C2: variants seen among roughly 807,000 people sequenced by gnomAD.
The protein encoded by C2 is complement C2, also known as C3/C5 convertase.
In C2, 64 loss-of-function variants were observed where a neutral mutation model predicts 85.2. The ratio of observed to expected loss-of-function variants is 0.75; its 90% CI spans 0.61 to 0.92. The LOEUF (loss-of-function observed/expected upper bound fraction) is 0.92, where lower values mean the gene tolerates loss of function less well. Ranked by LOEUF, C2 falls within the 40% of genes least tolerant of loss-of-function variation. The pLI, the probability that C2 is intolerant of heterozygous loss-of-function variation, is 0.00. For synonymous variants in C2, 311 were observed against 370.8 expected, an observed-to-expected ratio of 0.84 and a Z score of 1.85; for missense variants, 820 against 971.6, an observed-to-expected ratio of 0.84 and a Z score of 2.07.
intron 7 of C2, 113 bp from the exon 8 acceptor site, chr6:31,937,206 C>CAAA (rs9279478): frequency 2.4e-3 from 2,453 of 1,023,172 alleles, no homozygotes; most frequent in Middle Eastern, 2.7e-3. Context: ...GAGACTCTCT[C>CAAA]AAAAAAAAAA....
Position 31,944,427 on chromosome 6 carries a change from G to A in C2, c.1902+201G>A, listed in dbSNP as rs527934096. ...GATGGAGTCTTGCTCTGTCTCCCAGGCTGGAGTGCAGTGGCACGACCTCAG... is the reference window on the plus strand; with the variant it reads ...GATGGAGTCTTGCTCTGTCTCCCAGACTGGAGTGCAGTGGCACGACCTCAG... On this transcript the variant is annotated intron_variant, in intron 15 of 17. Transcript: ENST00000299367. The surrounding 1 kb of genome is among the most constrained non-coding windows in gnomAD (Gnocchi z 5.1). Among the ~76,000 whole-genome samples, 1 of 152,254 alleles carries A rather than the reference G, an allele frequency of 6.6e-6. No homozygotes were observed. Among genetic ancestry groups the A allele is most frequent in the East Asian group, 1.9e-4 (1 of 5,174 alleles).
rs960669772 is a variant in C2 at position 31,903,907 on chromosome 6, T to G, written c.73+2768T>G. On this transcript the variant is annotated intron_variant, in intron 1 of 3. Transcript: ENST00000452202. ...CTGTTCTAAACTGCTCTCTTTGTATTTAGGCCTTGTAGATTTGAGGAAGAA... is the reference window on the plus strand; with the variant it reads ...CTGTTCTAAACTGCTCTCTTTGTATGTAGGCCTTGTAGATTTGAGGAAGAA... 7.2e-5 allele frequency among the ~76,000 whole-genome samples: 11 copies of G among 152,098 alleles called. No individual in the cohort carries two copies. In the East Asian group the frequency reaches 2.1e-3, roughly 29 times the overall value.
intron 1 of C2, among the ~76,000 whole-genome samples, chr6:31,913,104 A>G (rs1768236640): frequency 6.6e-6 from 1 of 151,850 alleles, no homozygotes; most frequent in Non-Finnish European, 1.5e-5. Context: ...GTATATATAC[A>G]CATTTGCATT....
chr6:31,908,194 G>A (rs1767857157), intron 1 of C2, among the ~76,000 whole-genome samples: 1 of 148,838 alleles, frequency 6.7e-6, no homozygotes, highest in Non-Finnish European at 1.5e-5. Context: ...GTCTTCCCGT[G>A]TTGCCCAGTC....
chr6:31,901,072 T>A, exon 1 of C2: 1 of 1,614,152 alleles, frequency 6.2e-7, no homozygotes, highest in Non-Finnish European at 8.5e-7. Flanking sequence ...CCACGATGCG[T>A]GCACTGTGCA....
intron 1 of C2, among the ~76,000 whole-genome samples, chr6:31,903,732 AC>A (rs1180572581): frequency 6.6e-6 from 1 of 152,078 alleles, no homozygotes; most frequent in African/African-American, 2.4e-5. Context: ...TTGAGCTGAA[AC>A]TGAATTCTTG....
chr6:31,944,842 G>A lies in C2; in HGVS notation c.2018G>A (p.Ser673Asn). ...FLCSGTQEDE[S>N]PCKGESGGAV... The stretch of plus-strand genomic sequence containing the variant: ...TGCAGTGGGACCCAGGAGGATGAGA[G>A]TCCCTGCAAGGGTGAGTCCCTCACC... Residue 673 changes from serine (S) to asparagine (N), a missense_variant, in exon 16 of 18, where the codon AGT becomes AAT. By Grantham distance (46) the Ser-to-Asn change is conservative (BLOSUM62 1). Coordinates refer to ENST00000299367, the MANE Select transcript of C2 (RefSeq NM_000063.6). This position sits in a 1 kb window ranked among gnomAD's most constrained non-coding sequence, Gnocchi z 5.1. The A allele has an allele frequency of 6.2e-7, 1 of 1,613,092 alleles. No individual in the cohort carries two copies. Among genetic ancestry groups the A allele is most frequent in the Non-Finnish European group, 8.5e-7 (1 of 1,180,040 alleles).
upstream of C2, among the ~76,000 whole-genome samples, chr6:31,915,906 G>A (rs1475146030): frequency 6.6e-6 from 1 of 152,250 alleles, no homozygotes; most frequent in Non-Finnish European, 1.5e-5. Context: ...TCAACTCGGT[G>A]TAGCGCTGAC....
At position 31,939,333 on chromosome 6, in the gene C2, C is replaced by T. The variant is rs374029934; in HGVS notation, c.1219+13C>T. 1.3e-6 allele frequency: 2 copies of T among 1,580,952 alleles called. No individual in the cohort carries two copies. ...AATGACTATCTGGGTGAGCCCCTGC[C>T]ACTGCCACCACATTTGTTCTGCTCC... On this transcript the variant is annotated intron_variant, in intron 9 of 17. Transcript: ENST00000299367.
upstream of C2, among the ~76,000 whole-genome samples, chr6:31,924,362 A>T (rs768640146): frequency 2.3e-4 from 35 of 152,204 alleles, no homozygotes; most frequent in Admixed American, 6.5e-4. Context: ...ACAGGATTGG[A>T]GAGCAGGGCC....
chr6:31,936,510 T>G, intron 7 of C2: 1 of 208,144 alleles, frequency 4.8e-6, no homozygotes, highest in East Asian at 1.2e-4. Context: ...TTTTTCTTCT[T>G]CTTTTTTTTT....
Position 31,944,991 on chromosome 6 carries a change from G to A in C2, c.2041G>A (p.Gly681Arg), listed in dbSNP as rs780535780. 6.2e-7 allele frequency: 1 copy of A among 1,613,096 alleles called. No individual in the cohort carries two copies. Among genetic ancestry groups the A allele is most frequent in the Non-Finnish European group, 8.5e-7 (1 of 1,180,038 alleles). The change falls in exon 17 of 18, where the codon GGA becomes AGA. Residue 681 changes from glycine to arginine, a missense_variant. Transcript: ENST00000299367. This position sits in a 1 kb window ranked among gnomAD's most constrained non-coding sequence, Gnocchi z 5.1. ...CCCTTTGCTGGCAGGAGAATCTGGG[G>A]GAGCAGTTTTCCTTGAGCGGAGATT... ...DESPCKGESG[G>R]AVFLERRFRF...
At chr6:31,913,467 T>C (rs1768264600) in intron 1 of C2, among the ~76,000 whole-genome samples, 1 of 152,110 alleles carries the variant, frequency 6.6e-6, no homozygotes, top group Non-Finnish European at 1.5e-5. Context: ...TCCCAGCTAG[T>C]TGGGAGGCTG....
chr6:31,931,946 T>C (rs9267682), intron 3 of C2, among the ~76,000 whole-genome samples: 660 of 38,882 alleles, frequency 0.017, 3 homozygotes, highest in Middle Eastern at 0.028. Flanking sequence ...GGGGGGCTGA[T>C]CCCCCCACCT....
intron 7 of C2, 188 bp from the exon 8 acceptor site, chr6:31,937,131 C>T: frequency 1.7e-6 from 1 of 598,500 alleles, no homozygotes; most frequent in Non-Finnish European, 3.0e-6. Flanking sequence ...ATCACTTGAA[C>T]TGGGGAGGTG....
In C2 at chr6:31,912,826, C is replaced by T. The variant is rs375090466; in HGVS notation, c.73+11687C>T. Among the ~76,000 whole-genome samples the T allele has an allele frequency of 3.9e-4, 53 of 135,918 alleles. 2 individuals carry two copies. In the Admixed American group the frequency reaches 3.9e-3, roughly 10 times the overall value. The allele number at this position is 135,918 out of a possible 152,430, so 89.2% of individuals were successfully genotyped here. On this transcript the variant is annotated intron_variant, in intron 1 of 3. Coordinates refer to the C2 transcript ENST00000452202. ...CTACACTCCAGCCTGAGTGACAGAG[C>T]GGGACTCTATCTCAAAAAAGAAAAA...
chr6:31,938,242 T>A lies in C2; in HGVS notation c.1129+783T>A, dbSNP rs141741764. 1.2e-3 allele frequency among the ~76,000 whole-genome samples: 183 copies of A among 152,052 alleles called. 4 individuals carry two copies. Among genetic ancestry groups the A allele is most frequent in the African/African-American group, 3.5e-3 (147 of 41,478 alleles). ...GAGCAGGAATGTCGAAGGGCACGGATGCAAGGAACAGTCTGTAGTGGATCT... is the reference window on the plus strand; with the variant it reads ...GAGCAGGAATGTCGAAGGGCACGGAAGCAAGGAACAGTCTGTAGTGGATCT... On this transcript the variant is annotated intron_variant, in intron 8 of 17. Transcript: ENST00000299367.
chr6:31,898,966 G>C (rs942344951), upstream of C2, among the ~76,000 whole-genome samples: 4 of 151,980 alleles, frequency 2.6e-5, no homozygotes, highest in African/African-American at 9.7e-5. Flanking sequence ...TTCAGGCAAG[G>C]GATATGCAGA....
intron 1 of C2, among the ~76,000 whole-genome samples, chr6:31,905,533 G>T (rs1562546668): frequency 6.6e-6 from 1 of 151,976 alleles, no homozygotes; most frequent in Non-Finnish European, 1.5e-5. Flanking sequence ...TTGGGAAGCT[G>T]AGGTGGGAGG....
Sources: allele counts gnomAD v4.1 joint callset (sites outside exome capture counted in the v4.1 genomes callset), GRCh38; gene constraint gnomAD v4.1.1; non-coding constraint Gnocchi (gnomAD v3.1); transcripts MANE v1.5; gene names NCBI Gene and HGNC (gene_info 2026-07-23, HGNC 2026-07-21).